The following RUNX1 variants were observed in gnomAD, a reference collection of about 807,000 sequenced individuals.
The protein encoded by RUNX1 is RUNX family transcription factor 1.
Under a neutral mutation model 42.8 loss-of-function variants are expected in RUNX1, and 19 were observed. That is an observed-to-expected ratio of 0.44 (90% CI 0.31 to 0.65). RUNX1 has a LOEUF of 0.65. RUNX1 is among the 30% of genes least tolerant of loss of function. RUNX1 has a pLI of 0.07. For synonymous variants in RUNX1, 271 were observed against 289.4 expected, an observed-to-expected ratio of 0.94 and a Z score of 0.64; for missense variants, 528 against 672.0, an observed-to-expected ratio of 0.79 and a Z score of 2.37.
At position 35,024,413 on chromosome 21, in the gene RUNX1, G is replaced by A. The variant is rs138182203; in HGVS notation, c.58+24429C>T. Among the ~76,000 whole-genome samples the A allele has an allele frequency of 6.9e-3, 1,056 of 152,310 alleles. 3 individuals carry two copies. Among genetic ancestry groups the A allele is most frequent in the Non-Finnish European group, 0.012 (794 of 68,018 alleles). On this transcript the variant is annotated intron_variant, in intron 2 of 8. Coordinates refer to ENST00000675419, the MANE Select transcript of RUNX1 (RefSeq NM_001754.5). ...CACACTTCTATCTTGTTTAAGCCCTGATAATTTGGAATCTCTCTCTCATAG... is the reference window on the plus strand; with the variant it reads ...CACACTTCTATCTTGTTTAAGCCCTAATAATTTGGAATCTCTCTCTCATAG...
At chr21:34,793,524 C>T (rs2056480108) in intron 8 of RUNX1, among the ~76,000 whole-genome samples, 1 of 151,630 alleles carries the variant, frequency 6.6e-6, no homozygotes, top group African/African-American at 2.4e-5. Context: ...AAAAAAAATC[C>T]AAAAAAGAAT....
rs566419158 is a variant in RUNX1, at chr21:34,872,319, G to A, written c.508+8238C>T. Among the ~76,000 whole-genome samples, 7 of 151,854 alleles carry A rather than the reference G, an allele frequency of 4.6e-5. 1 individual carries two copies. The South Asian group carries it at 1.2e-3, about 27-fold the overall frequency. On this transcript the variant is annotated intron_variant, in intron 5 of 8. Transcript: ENST00000675419. ...ACCTCACCTGTGTGACATTCATGAG[G>A]GGGTGGCTACAGTGGGGAGCCTTCT...
intron 2 of RUNX1, among the ~76,000 whole-genome samples, chr21:34,962,314 G>A (rs551364840): frequency 6.6e-6 from 1 of 152,110 alleles, no homozygotes; most frequent in Admixed American, 6.5e-5. Flanking sequence ...GCTGTGTTTC[G>A]CCTGAGGCAA....
At chr21:34,929,207 C>T (rs982776363) in intron 2 of RUNX1, among the ~76,000 whole-genome samples, 15 of 152,182 alleles carry the variant, frequency 9.9e-5, no homozygotes, top group Non-Finnish European at 1.5e-5. Flanking sequence ...GGGTTCTCAA[C>T]AGGCTGTCTG....
intron 2 of RUNX1, among the ~76,000 whole-genome samples, chr21:34,895,057 C>G (rs1158926016): frequency 1.3e-5 from 2 of 152,112 alleles, no homozygotes; most frequent in African/African-American, 4.8e-5. Context: ...ACTTTTATCC[C>G]CCCCGTCTCA....
chr21:34,915,011 G>A (rs961928383), intron 2 of RUNX1, among the ~76,000 whole-genome samples: 2 of 152,082 alleles, frequency 1.3e-5, no homozygotes, highest in South Asian at 2.1e-4. Flanking sequence ...CTGGTCATTC[G>A]TGCTCAGTTT....
chr21:35,047,083 G>A (rs2059401248), intron 2 of RUNX1, among the ~76,000 whole-genome samples: 1 of 152,100 alleles, frequency 6.6e-6, no homozygotes, highest in Non-Finnish European at 1.5e-5. Flanking sequence ...AGCCCCAGGG[G>A]CCAGCACTGC....
intron 2 of RUNX1, among the ~76,000 whole-genome samples, chr21:35,032,384 G>GA (rs780730339): frequency 6.6e-5 from 10 of 152,084 alleles, no homozygotes; most frequent in Non-Finnish European, 1.3e-4. Context: ...TTTTGAAGAG[G>GA]AAAAATAAGA....
intron 2 of RUNX1, among the ~76,000 whole-genome samples, chr21:35,012,600 C>A (rs1296157389): frequency 6.6e-6 from 1 of 152,114 alleles, no homozygotes; most frequent in Non-Finnish European, 1.5e-5. Flanking sequence ...AAATTAGTGA[C>A]CCACAGGTTT....
chr21:34,932,640 T>A (rs551400308), intron 2 of RUNX1, among the ~76,000 whole-genome samples: 1 of 152,278 alleles, frequency 6.6e-6, no homozygotes, highest in South Asian at 2.1e-4. Flanking sequence ...TTGGGGACAA[T>A]ATTATACCCC....
At chr21:34,870,381 C>G (rs1305745780) in intron 5 of RUNX1, among the ~76,000 whole-genome samples, 1 of 152,216 alleles carries the variant, frequency 6.6e-6, no homozygotes, top group Admixed American at 6.5e-5. Flanking sequence ...GTAGCTTGTT[C>G]AAGGACAGAT....
intron 2 of RUNX1, among the ~76,000 whole-genome samples, chr21:34,931,319 T>G (rs1196564250): frequency 1.4e-5 from 2 of 144,338 alleles, no homozygotes; most frequent in Admixed American, 1.4e-4. Flanking sequence ...CAACATGCAT[T>G]ATATATATAT....
chr21:34,894,863 C>T (rs1481034389), intron 2 of RUNX1, among the ~76,000 whole-genome samples: 1 of 148,436 alleles, frequency 6.7e-6, no homozygotes, highest in Non-Finnish European at 1.5e-5. Context: ...ATTCACATCA[C>T]TCTTGACCTA....
intron 2 of RUNX1, among the ~76,000 whole-genome samples, chr21:35,000,621 C>T (rs2059034794): frequency 1.3e-5 from 2 of 152,162 alleles, no homozygotes; most frequent in African/African-American, 4.8e-5. Flanking sequence ...ATGCAAAGTT[C>T]CGGAAGGGCA....
intron 2 of RUNX1, among the ~76,000 whole-genome samples, chr21:35,021,876 C>T (rs1275036757): frequency 6.6e-6 from 1 of 152,192 alleles, no homozygotes; most frequent in Non-Finnish European, 1.5e-5. Flanking sequence ...ATTGGATGTG[C>T]CTCTCCTCTC....
chr21:34,788,524 A>C lies in RUNX1; in HGVS notation c.*3611T>G, dbSNP rs1364873623. On this transcript the variant is annotated 3_prime_UTR_variant, in exon 9 of 9. Coordinates refer to ENST00000675419, the MANE Select transcript of RUNX1 (RefSeq NM_001754.5). Reference sequence around the variant, plus strand: ...TTTTTTTCCCTACAGTATTTAGCAAACCTAAGAAAAAGTCCTTAGAAACAC... The same window carrying C: ...TTTTTTTCCCTACAGTATTTAGCAACCCTAAGAAAAAGTCCTTAGAAACAC... The C allele has an allele frequency of 4.3e-6, 1 of 233,086 alleles. No individual in the cohort carries two copies. The highest frequency in any genetic ancestry group is 8.5e-6 in the Non-Finnish European group (1 of 117,842). The allele number at this position is 233,086 out of a possible 1,614,324, so 14.4% of individuals were successfully genotyped here. A position where few individuals can be genotyped will look rare whatever the true frequency, so the allele number is the denominator to read the frequency against.
At chr21:34,871,374 G>A (rs1477896014) in intron 5 of RUNX1, among the ~76,000 whole-genome samples, 2 of 152,204 alleles carry the variant, frequency 1.3e-5, no homozygotes, top group East Asian at 1.9e-4. Flanking sequence ...TTGCTCTACT[G>A]TAGGGAGCTT....
intron 2 of RUNX1, among the ~76,000 whole-genome samples, chr21:34,964,788 C>T (rs2834698): frequency 0.54 from 81,904 of 152,060 alleles, 22,395 homozygotes; most frequent in African/African-American, 0.63. Flanking sequence ...TCCTCACCTG[C>T]GCATTGAATG....
rs900529404 is a variant in RUNX1 at position 34,924,477 on chromosome 21, G to A, written c.59-31514C>T. On this transcript the variant is annotated intron_variant, in intron 2 of 8. Coordinates refer to ENST00000675419, the MANE Select transcript of RUNX1 (RefSeq NM_001754.5). The stretch of plus-strand genomic sequence containing the variant: ...TTAAAGGACAGTAGGAAATTGACCT[G>A]TGGCTGTGGTGTGTTGGTGATGAGA... Among the ~76,000 whole-genome samples, 3 of 152,200 alleles carry A rather than the reference G, an allele frequency of 2.0e-5. No individual in the cohort carries two copies. The East Asian group carries it at 5.8e-4, about 29-fold the overall frequency.
Sources: gnomAD v4.1 joint callset for allele counts (sites outside exome capture counted in the v4.1 genomes callset) on GRCh38, gnomAD v4.1.1 for gene constraint, MANE v1.5 for transcripts, NCBI Gene and HGNC (gene_info 2026-07-23, HGNC 2026-07-21) for gene names.